Variants in MBTD1 observed in about 807,000 individuals in gnomAD.
The protein encoded by MBTD1 is MBT domain-containing protein 1.
MBTD1 carries 24 observed loss-of-function variants against 87.8 expected under a neutral mutation model. That is an observed-to-expected ratio of 0.27 (90% confidence interval 0.20 to 0.38). The LOEUF (loss-of-function observed/expected upper bound fraction) is 0.38. Among genes scored for constraint, MBTD1 ranks in the 10% least tolerant of loss-of-function variants. The probability of loss-of-function intolerance (pLI) is 1.00; values close to 1 mark genes in which losing one functional copy is unlikely to be tolerated. For missense variants in MBTD1, 436 were observed against 760.2 expected, an observed-to-expected ratio of 0.57 and a Z score of 5.02; for synonymous variants, 237 against 248.6, an observed-to-expected ratio of 0.95 and a Z score of 0.44.
chr17:51,243,113 A>G (rs554053505), intron 2 of MBTD1, among the ~76,000 whole-genome samples: 2 of 152,292 alleles, frequency 1.3e-5, no homozygotes, highest in South Asian at 2.1e-4. Context: ...TGTAGGATAT[A>G]TGTATTTGTA....
At chr17:51,244,003 T>C (rs912002236) in intron 2 of MBTD1, among the ~76,000 whole-genome samples, 13 of 152,222 alleles carry the variant, frequency 8.5e-5, no homozygotes, top group Non-Finnish European at 1.8e-4. Context: ...TGTCTCTCAC[T>C]GGTGATGTTA....
chr17:51,198,890 C>T (rs1377372030), intron 12 of MBTD1, among the ~76,000 whole-genome samples: 1 of 152,040 alleles, frequency 6.6e-6, no homozygotes, highest in Non-Finnish European at 1.5e-5. Context: ...GCAACCTCCA[C>T]CTCCCAGGTT....
chr17:51,193,569 G>A, intron 13 of MBTD1, 59 bp from the exon 14 acceptor site: 4 of 948,596 alleles, frequency 4.2e-6, no homozygotes, highest in South Asian at 1.4e-5. Flanking sequence ...ATATTAAAAT[G>A]CAGACAAAAA....
At chr17:51,259,346 G>GC (rs2055306198) in intron 1 of MBTD1, 140 bp from the exon 2 acceptor site, 2 of 923,220 alleles carry the variant, frequency 2.2e-6, no homozygotes, top group Non-Finnish European at 2.8e-6. Flanking sequence ...TGCCCACCCC[G>GC]CCCCCTTTCA....
intron 2 of MBTD1, among the ~76,000 whole-genome samples, chr17:51,252,891 A>C (rs1449568341): frequency 6.6e-6 from 1 of 151,986 alleles, no homozygotes; most frequent in Non-Finnish European, 1.5e-5. Context: ...TAAAGTCACT[A>C]ATGTCTAAAA....
intron 15 of MBTD1, 123 bp downstream of exon 15, chr17:51,192,659 T>C (rs1025714701): frequency 2.6e-6 from 4 of 1,515,400 alleles, no homozygotes; most frequent in Non-Finnish European, 3.5e-6. Context: ...ATGTCTTACC[T>C]GGCAACCAAT....
intron 2 of MBTD1, among the ~76,000 whole-genome samples, chr17:51,236,458 T>C (rs2143928871): frequency 6.6e-6 from 1 of 152,344 alleles, no homozygotes; most frequent in African/African-American, 2.4e-5. Context: ...TTGGCCAGGC[T>C]GGTCTCAAAC....
intron 2 of MBTD1, among the ~76,000 whole-genome samples, chr17:51,258,384 T>A (rs77832740): frequency 6.6e-6 from 1 of 152,154 alleles, no homozygotes; most frequent in East Asian, 1.9e-4. Context: ...GTTTCAACTA[T>A]CTCAACCACC....
chr17:51,194,436 G>A (rs983285557), intron 13 of MBTD1, among the ~76,000 whole-genome samples: 7 of 151,862 alleles, frequency 4.6e-5, no homozygotes, highest in Admixed American at 3.3e-4. Flanking sequence ...TGGGCGTGGT[G>A]GTGCACACCT....
intron 2 of MBTD1, chr17:51,256,181 A>G (rs1362323211): frequency 6.6e-6 from 1 of 152,234 alleles, no homozygotes; most frequent in African/African-American, 2.4e-5. Flanking sequence ...ATAGCAGCTT[A>G]CTTTTTTTAA....
At chr17:51,224,658 A>C (rs147701116) in intron 3 of MBTD1, among the ~76,000 whole-genome samples, 14 of 152,218 alleles carry the variant, frequency 9.2e-5, no homozygotes, top group African/African-American at 3.1e-4. Flanking sequence ...TAAGAAATTA[A>C]TATAGAGGAG....
intron 2 of MBTD1, among the ~76,000 whole-genome samples, chr17:51,236,862 A>G (rs2053868282): frequency 6.6e-6 from 1 of 152,216 alleles, no homozygotes; most frequent in Non-Finnish European, 1.5e-5. Flanking sequence ...CTCACATCAT[A>G]TATAAAAATC....
At chr17:51,209,383 C>A (rs1160802488) in intron 6 of MBTD1, 1 of 471,206 alleles carries the variant, frequency 2.1e-6, no homozygotes, top group Non-Finnish European at 4.4e-6. Flanking sequence ...CCACCACTTC[C>A]TGCTCCAGGG....
In MBTD1 at chr17:51,225,215, A is replaced by C; in HGVS notation, c.-48-6T>G. Reference sequence around the variant, plus strand: ...GATCGTGAAGAATGTTCAGTCTTTGAAGTAAGAGAAACCAGTGACACATGA... The same window carrying C: ...GATCGTGAAGAATGTTCAGTCTTTGCAGTAAGAGAAACCAGTGACACATGA... On this transcript the variant is annotated splice_region_variant and splice_polypyrimidine_tract_variant and intron_variant, in intron 2 of 16. Transcript: ENST00000586178. 1 of 1,468,736 alleles carries C rather than the reference A, an allele frequency of 6.8e-7. No individual in the cohort carries two copies. The highest frequency in any genetic ancestry group is 9.1e-7 in the Non-Finnish European group (1 of 1,103,282). 91.0% of individuals were successfully genotyped at this position (1,468,736 alleles called of 1,614,324 possible).
At chr17:51,250,754 T>G (rs2054732246) in intron 2 of MBTD1, 1 of 152,162 alleles carries the variant, frequency 6.6e-6, no homozygotes, top group Non-Finnish European at 1.5e-5. Context: ...TTCCAGAAAG[T>G]TTTCTTGGAT....
intron 2 of MBTD1, among the ~76,000 whole-genome samples, chr17:51,243,271 C>T (rs949838418): frequency 1.3e-5 from 2 of 150,140 alleles, no homozygotes; most frequent in East Asian, 2.0e-4. Flanking sequence ...AAATGGTATG[C>T]CAGTATAGTT....
intron 6 of MBTD1, among the ~76,000 whole-genome samples, chr17:51,210,341 A>C (rs867693908): frequency 6.6e-6 from 1 of 152,042 alleles, no homozygotes; most frequent in Non-Finnish European, 1.5e-5. Flanking sequence ...GGGTGGTGGT[A>C]GCAGGCAGAT....
At chr17:51,198,238 C>A (rs774454288) in intron 12 of MBTD1, among the ~76,000 whole-genome samples, 10 of 152,290 alleles carry the variant, frequency 6.6e-5, no homozygotes, top group African/African-American at 2.4e-4. Context: ...TTCAGCCATC[C>A]TCTATGGATG....
intron 2 of MBTD1, among the ~76,000 whole-genome samples, chr17:51,248,768 T>C (rs1174329205): frequency 6.6e-6 from 1 of 152,232 alleles, no homozygotes; most frequent in Non-Finnish European, 1.5e-5. Flanking sequence ...GATTTTACTA[T>C]GAATAAAGCT....
Sources: allele counts gnomAD v4.1 joint callset (sites outside exome capture counted in the v4.1 genomes callset), GRCh38; gene constraint gnomAD v4.1.1; transcripts MANE v1.5; gene names NCBI Gene and HGNC (gene_info 2026-07-23, HGNC 2026-07-21).